Variants in PAXIP1 observed in about 807,000 individuals in gnomAD.
PAXIP1 encodes the protein PAX interacting protein 1, also known as PAX-interacting protein 1.
PAXIP1 carries 19 observed loss-of-function variants against 140.6 expected under a neutral mutation model. That is an observed-to-expected ratio of 0.14 (90% CI 0.09 to 0.20). The LOEUF is 0.20. Ranked by LOEUF, PAXIP1 falls within the 10% of genes least tolerant of loss-of-function variation. The pLI is 1.00. For synonymous variants in PAXIP1, 442 were observed against 444.6 expected (o/e 0.99, Z 0.07); for missense variants, 920 against 1,208.6 (o/e 0.76, Z 3.54).
chr7:154,967,985 C>T, intron 7 of PAXIP1, 75 bp from the exon 8 acceptor site: 3 of 899,970 alleles, frequency 3.3e-6, no homozygotes, highest in Non-Finnish European at 3.5e-6. Context: ...AAAAGTGGCG[C>T]CTCACAATGT....
In PAXIP1 at chr7:154,954,362, G is replaced by A. The variant is rs374064096; in HGVS notation, c.2714C>T (p.Ala905Val). ...ESAQKCTHLI[A>V]SKVTRTVKFL... ...CTTCACGGTGCGAGTCACTTTGCTG[G>A]CAATGAGGTGTGTGCACTTCTGTGC... is the stretch of plus-strand genomic sequence containing the variant. The change falls in exon 16 of 21, where the codon GCC becomes GTC. Residue 905 changes from alanine (A) to valine (V), a missense_variant. By Grantham distance (64) the Ala-to-Val change is moderately conservative (BLOSUM62 0). Around this residue, in one of 5 missense-constraint regions of PAXIP1, gnomAD observed 303 missense variants for 517.9 expected, o/e 0.59. Coordinates refer to ENST00000404141, the MANE Select transcript of PAXIP1 (RefSeq NM_007349.4). This position sits in a 1 kb window ranked among gnomAD's most constrained non-coding sequence, Gnocchi z 5.1. The A allele has an allele frequency of 9.9e-6, 16 of 1,608,854 alleles. No homozygotes were observed. The highest frequency in any genetic ancestry group is 1.1e-5 in the Non-Finnish European group (13 of 1,176,284).
intron 5 of PAXIP1, among the ~76,000 whole-genome samples, chr7:154,979,534 G>A (rs903286250): frequency 2.0e-5 from 3 of 151,882 alleles, no homozygotes; most frequent in African/African-American, 4.8e-5. Flanking sequence ...TAATTTAAAG[G>A]AATGATAAAA....
intron 13 of PAXIP1, among the ~76,000 whole-genome samples, chr7:154,958,229 C>T (rs1204353484): frequency 6.6e-6 from 1 of 152,164 alleles, no homozygotes. Context: ...ACAAAGAGAG[C>T]AGGAAGGAGA....
At position 154,954,366 on chromosome 7, in the gene PAXIP1, T is replaced by G; in HGVS notation, c.2710A>C (p.Ile904Leu). The G allele has an allele frequency of 6.2e-7, 1 of 1,609,462 alleles. No individual in the cohort carries two copies. Among genetic ancestry groups the G allele is most frequent in the Non-Finnish European group, 8.5e-7 (1 of 1,176,552 alleles). ...ACGGTGCGAGTCACTTTGCTGGCAA[T>G]GAGGTGTGTGCACTTCTGTGCAGAC... ...AESAQKCTHL[I>L]ASKVTRTVKF... is the part of the protein sequence containing the mutation. The change falls in exon 16 of 21, where the codon ATT becomes CTT. Residue 904 changes from isoleucine to leucine, a missense_variant. Transcript: ENST00000404141. This position sits in a 1 kb window ranked among gnomAD's most constrained non-coding sequence, Gnocchi z 5.1.
chr7:154,986,500 T>C lies in PAXIP1; in HGVS notation c.325-3168A>G, dbSNP rs1810082188. Among the ~76,000 whole-genome samples, 2 of 152,210 alleles carry C rather than the reference T, an allele frequency of 1.3e-5. No individual in the cohort carries two copies. The highest frequency in any genetic ancestry group is 2.9e-5 in the Non-Finnish European group (2 of 68,036). ...CTTAATTAATTTGTACCCCTCTGCA[T>C]TGCTCCTGTCACAAAGGAAGTACCC... On this transcript the variant is annotated intron_variant, in intron 4 of 20. Transcript: ENST00000404141. The surrounding 1 kb of genome is among the most constrained non-coding windows in gnomAD (Gnocchi z 4.8).
chr7:154,986,053 T>A lies in PAXIP1; in HGVS notation c.325-2721A>T. ...CAACAGAGGCCTCAGCCTGCATCAA[T>A]ACCGGGTCAGAAGAAGGCAGATGAT... On this transcript the variant is annotated intron_variant, in intron 4 of 20. Coordinates refer to ENST00000404141, the MANE Select transcript of PAXIP1 (RefSeq NM_007349.4). The surrounding 1 kb of genome is among the most constrained non-coding windows in gnomAD (Gnocchi z 4.8). 1 of 1,365,400 alleles carries A rather than the reference T, an allele frequency of 7.3e-7. No homozygotes were observed. The highest frequency in any genetic ancestry group is 9.8e-7 in the Non-Finnish European group (1 of 1,021,452). 84.6% of individuals were successfully genotyped at this position (1,365,400 alleles called of 1,614,324 possible).
chr7:154,982,849 A>T (rs1809905858), intron 5 of PAXIP1, among the ~76,000 whole-genome samples: 1 of 152,192 alleles, frequency 6.6e-6, no homozygotes. Flanking sequence ...ACACGTTTAT[A>T]ATTATACCTG....
At chr7:154,964,395 CTAT>C (rs1382164163) in intron 8 of PAXIP1, 3 of 152,148 alleles carry the variant, frequency 2.0e-5, no homozygotes, top group African/African-American at 7.2e-5. Flanking sequence ...ATCTGACGGC[CTAT>C]TAGGTGAAAT....
chr7:154,982,432 A>AC (rs11432631), intron 5 of PAXIP1, among the ~76,000 whole-genome samples: 89,928 of 151,790 alleles, frequency 0.59, 26,723 homozygotes, highest in Admixed American at 0.67. Flanking sequence ...GCTCACTGCA[A>AC]CTCCACCTCC....
intron 12 of PAXIP1, among the ~76,000 whole-genome samples, chr7:154,960,193 T>C (rs1808698358): frequency 1.3e-5 from 2 of 152,198 alleles, no homozygotes; most frequent in African/African-American, 2.4e-5. Flanking sequence ...AAGCAAACGT[T>C]GTGTCGAAAC....
intron 3 of PAXIP1, 56 bp downstream of exon 3, chr7:154,993,670 C>T: frequency 1.6e-6 from 2 of 1,283,922 alleles, no homozygotes; most frequent in Non-Finnish European, 2.2e-6. Context: ...TCATTTCTTT[C>T]AGTCTTAAAC....
At chr7:154,984,566 T>G (rs1484794969) in intron 4 of PAXIP1, among the ~76,000 whole-genome samples, 1 of 152,246 alleles carries the variant, frequency 6.6e-6, no homozygotes, top group African/African-American at 2.4e-5. Context: ...TCTATGAATA[T>G]TAACAAGAAC....
rs1243704859 is a variant in PAXIP1 at position 154,954,917 on chromosome 7, A to C, written c.2653-494T>G. ...AAGGTGGAGAAATTAATTTGTTCTA[A>C]ATGTATAATACTAGCATTTATAATT... On this transcript the variant is annotated intron_variant, in intron 15 of 20. Coordinates refer to ENST00000404141, the MANE Select transcript of PAXIP1 (RefSeq NM_007349.4). The surrounding 1 kb of genome is among the most constrained non-coding windows in gnomAD (Gnocchi z 5.1). Among the ~76,000 whole-genome samples the C allele has an allele frequency of 6.6e-6, 1 of 152,230 alleles. No homozygotes were observed. The highest frequency in any genetic ancestry group is 1.5e-5 in the Non-Finnish European group (1 of 68,036).
At chr7:154,944,533 G>T in intron 20 of PAXIP1, 1 of 169,666 alleles carries the variant, frequency 5.9e-6, no homozygotes, top group Admixed American at 5.8e-5. Flanking sequence ...ACTTATACCT[G>T]CAGGAGCAGG....
chr7:154,962,907 AAG>A (rs1808821466), intron 9 of PAXIP1, among the ~76,000 whole-genome samples: 1 of 152,242 alleles, frequency 6.6e-6, no homozygotes, highest in Non-Finnish European at 1.5e-5. Flanking sequence ...TATCCTCTTT[AAG>A]AGGGGTGTCT....
At chr7:154,959,793 G>A (rs1808678305) in intron 13 of PAXIP1, 97 bp downstream of exon 13, 3 of 812,960 alleles carry the variant, frequency 3.7e-6, no homozygotes, top group Non-Finnish European at 4.2e-6. Flanking sequence ...ATGTTGACAA[G>A]TTACTAAAAT....
At chr7:154,948,119 G>T in intron 16 of PAXIP1, 116 bp from the exon 17 acceptor site, 2 of 732,954 alleles carry the variant, frequency 2.7e-6, no homozygotes, top group Non-Finnish European at 5.0e-6. Flanking sequence ...ACATTTACCT[G>T]TACAGCCTTC....
intron 4 of PAXIP1, among the ~76,000 whole-genome samples, chr7:154,987,814 A>G (rs932658746): frequency 5.3e-5 from 8 of 151,994 alleles, no homozygotes; most frequent in Admixed American, 2.0e-4. Flanking sequence ...CATGTCCCCA[A>G]TACCTGCTGA....
intron 4 of PAXIP1, among the ~76,000 whole-genome samples, chr7:154,984,760 T>G (rs1809992966): frequency 1.3e-5 from 2 of 152,338 alleles, no homozygotes; most frequent in East Asian, 3.9e-4. Context: ...ATTAATCCAA[T>G]GAGTCATTAT....
Sources: gnomAD v4.1 joint callset for allele counts (sites outside exome capture counted in the v4.1 genomes callset) on GRCh38, gnomAD v4.1.1 for gene constraint, gnomAD v4.1.1 regional missense constraint, Gnocchi (gnomAD v3.1) non-coding constraint, MANE v1.5 for transcripts, NCBI Gene and HGNC (gene_info 2026-07-23, HGNC 2026-07-21) for gene names.